PRKCB: variants seen among roughly 807,000 people sequenced by gnomAD.
PRKCB encodes protein kinase C beta.
A neutral mutation model predicts 81.5 loss-of-function variants in PRKCB; 13 were observed. That is an observed-to-expected ratio of 0.16 (90% CI 0.10 to 0.25). The LOEUF (loss-of-function observed/expected upper bound fraction) is 0.25. Ranked by LOEUF, PRKCB falls within the 10% of genes least tolerant of loss-of-function variation. The pLI, the probability that PRKCB is intolerant of heterozygous loss-of-function variation, is 1.00. For synonymous variants in PRKCB, 335 were observed against 321.4 expected (o/e 1.04, Z -0.45); for missense variants, 509 against 875.7 (o/e 0.58, Z 5.29).
chr16:23,993,508 C>A (rs1191669020), intron 3 of PRKCB, among the ~76,000 whole-genome samples: 1 of 152,150 alleles, frequency 6.6e-6, no homozygotes, highest in Non-Finnish European at 1.5e-5. Context: ...CCCGCTCACC[C>A]ATGCTGGGAA....
chr16:23,949,902 AG>A (rs747958664), intron 2 of PRKCB, among the ~76,000 whole-genome samples: 3 of 152,114 alleles, frequency 2.0e-5, no homozygotes, highest in Non-Finnish European at 2.9e-5. Context: ...GGAGTGCCAG[AG>A]CCACTTGGGT....
chr16:23,909,907 T>C (rs1963623408), intron 2 of PRKCB, among the ~76,000 whole-genome samples: 1 of 152,130 alleles, frequency 6.6e-6, no homozygotes, highest in Non-Finnish European at 1.5e-5. Flanking sequence ...TCTGATCTAA[T>C]CTCATGATCT....
At chr16:24,066,554 C>T (rs572982431) in intron 5 of PRKCB, among the ~76,000 whole-genome samples, 3 of 152,228 alleles carry the variant, frequency 2.0e-5, no homozygotes, top group East Asian at 1.9e-4. Context: ...ATGACACATC[C>T]GTCAAAATGA....
At chr16:23,936,083 C>T (rs1964053842) in intron 2 of PRKCB, among the ~76,000 whole-genome samples, 1 of 152,160 alleles carries the variant, frequency 6.6e-6, no homozygotes, top group Non-Finnish European at 1.5e-5. Flanking sequence ...TTCTGTTCTC[C>T]ATCCACCCAT....
intron 3 of PRKCB, among the ~76,000 whole-genome samples, chr16:24,021,032 C>CTTTCTTTCTT (rs1965365002): frequency 7.2e-6 from 1 of 139,386 alleles, no homozygotes; most frequent in African/African-American, 2.8e-5. Flanking sequence ...TTCTTTCTTT[C>CTTTCTTTCTT]TTTCTTTCTC....
chr16:24,064,565 C>A (rs905452585), intron 5 of PRKCB, among the ~76,000 whole-genome samples: 1 of 152,016 alleles, frequency 6.6e-6, no homozygotes, highest in African/African-American at 2.4e-5. Context: ...TTGTTGGATG[C>A]CATATTGTGT....
intron 4 of PRKCB, among the ~76,000 whole-genome samples, chr16:24,034,979 C>T (rs562387595): frequency 6.6e-6 from 1 of 152,294 alleles, no homozygotes; most frequent in South Asian, 2.1e-4. Flanking sequence ...TCAGAGCTGT[C>T]ACGTACACAT....
chr16:24,067,096 CCCT>C (rs1347411942), intron 5 of PRKCB, among the ~76,000 whole-genome samples: 1 of 152,090 alleles, frequency 6.6e-6, no homozygotes, highest in Non-Finnish European at 1.5e-5. Context: ...AAGTGATCAC[CCCT>C]CCTCAGCCTC....
chr16:24,213,555 C>T (rs1968179301), intron 16 of PRKCB, among the ~76,000 whole-genome samples: 1 of 152,168 alleles, frequency 6.6e-6, no homozygotes, highest in South Asian at 2.1e-4. Flanking sequence ...CAGTAAACAG[C>T]ATTTTGCACT....
In PRKCB at chr16:24,162,401, C is replaced by T. The variant is rs528761073; in HGVS notation, c.1239+7544C>T. On this transcript the variant is annotated intron_variant, in intron 10 of 16. Coordinates refer to ENST00000643927, the MANE Select transcript of PRKCB (RefSeq NM_002738.7). The stretch of plus-strand genomic sequence containing the variant: ...AACAGAACACCCCTTCCCCTGCCCC[C>T]CACCAAACTGGCTCCAATAGCTCCA... Among the ~76,000 whole-genome samples the T allele has an allele frequency of 3.6e-4, 54 of 151,856 alleles. 1 individual carries two copies. The highest frequency in any genetic ancestry group is 3.3e-3 in the Admixed American group (51 of 15,242).
intron 5 of PRKCB, among the ~76,000 whole-genome samples, chr16:24,070,677 A>G (rs1966096315): frequency 6.6e-6 from 1 of 152,116 alleles, no homozygotes; most frequent in South Asian, 2.1e-4. Flanking sequence ...TTCTCATATT[A>G]CAGATGAGGA....
At chr16:23,947,883 C>T (rs956769369) in intron 2 of PRKCB, among the ~76,000 whole-genome samples, 7 of 82,042 alleles carry the variant, frequency 8.5e-5, no homozygotes, top group Non-Finnish European at 1.1e-4. Context: ...ACTCTGGAGC[C>T]GCTTTTTTTT....
At chr16:23,871,919 G>T (rs1962912371) in intron 2 of PRKCB, among the ~76,000 whole-genome samples, 1 of 147,342 alleles carries the variant, frequency 6.8e-6, no homozygotes, top group African/African-American at 2.5e-5. Flanking sequence ...TAAAATATTA[G>T]TTTGACTTCC....
At chr16:24,061,911 A>T (rs914456862) in intron 5 of PRKCB, among the ~76,000 whole-genome samples, 332 of 30,156 alleles carry the variant, frequency 0.011, no homozygotes, top group Middle Eastern at 0.022. Flanking sequence ...TTAAATAAAT[A>T]AAAAAAAAAA....
intron 4 of PRKCB, among the ~76,000 whole-genome samples, chr16:24,033,684 C>T (rs11860556): frequency 0.21 from 32,135 of 151,992 alleles, 3,796 homozygotes; most frequent in South Asian, 0.38. Flanking sequence ...ATCACTTGAA[C>T]CCAGGAAGCA....
intron 3 of PRKCB, among the ~76,000 whole-genome samples, chr16:24,014,267 G>T (rs1965245912): frequency 1.3e-5 from 2 of 152,192 alleles, no homozygotes; most frequent in Non-Finnish European, 2.9e-5. Context: ...GCACTGCAGG[G>T]GGAGAGGGGT....
chr16:24,108,777 C>A (rs1352143605), intron 7 of PRKCB, among the ~76,000 whole-genome samples: 2 of 151,642 alleles, frequency 1.3e-5, no homozygotes, highest in Non-Finnish European at 2.9e-5. Flanking sequence ...CGGCAACCAT[C>A]CGATTTCTCA....
At chr16:24,098,420 T>C (rs1303336067) in intron 7 of PRKCB, 2 of 152,128 alleles carry the variant, frequency 1.3e-5, no homozygotes, top group Non-Finnish European at 2.9e-5. Context: ...GACAATAGAA[T>C]CATAAGCTTT....
chr16:24,172,124 C>G (rs1967450330), intron 10 of PRKCB, 146 bp from the exon 11 acceptor site: 2 of 651,292 alleles, frequency 3.1e-6, no homozygotes, highest in Non-Finnish European at 2.8e-6. Flanking sequence ...AAACCTTACC[C>G]TTGGGGAAAC....
Sources: gnomAD v4.1 joint callset for allele counts (sites outside exome capture counted in the v4.1 genomes callset) on GRCh38, gnomAD v4.1.1 for gene constraint, MANE v1.5 for transcripts, NCBI Gene and HGNC (gene_info 2026-07-23, HGNC 2026-07-21) for gene names.